GDE1: variants seen among roughly 807,000 people sequenced by gnomAD.
GDE1 encodes RGS16-interacting membrane protein.
In GDE1, 24 loss-of-function variants were observed where a neutral mutation model predicts 32.2. The ratio of observed to expected loss-of-function variants is 0.75; its 90% CI spans 0.54 to 1.05. The LOEUF (loss-of-function observed/expected upper bound fraction) is 1.05, where lower values mean the gene tolerates loss of function less well. Ranked by LOEUF, GDE1 falls within the 50% of genes least tolerant of loss-of-function variation. GDE1 has a pLI of 0.00. For synonymous variants in GDE1, 159 were observed against 158.6 expected, an observed-to-expected ratio of 1.00 and a Z score of -0.02; for missense variants, 380 against 415.0, an observed-to-expected ratio of 0.92 and a Z score of 0.73.
rs1555488425 is a variant in GDE1, at chr16:19,519,473, T to TGC, written c.261+2230_261+2231insGC. Among the ~76,000 whole-genome samples, 764 of 146,144 alleles carry TGC rather than the reference T, an allele frequency of 5.2e-3. 7 individuals carry two copies. Among genetic ancestry groups the TGC allele is most frequent in the African/African-American group, 0.018 (709 of 39,104 alleles). On this transcript the variant is annotated intron_variant, in intron 1 of 5. Coordinates refer to ENST00000353258, the MANE Select transcript of GDE1 (RefSeq NM_016641.4). ...GCATATATATATATATATATATATA[T>TGC]ACATACACAATACTTAATAGATTAC... is the stretch of plus-strand genomic sequence containing the variant.
intron 1 of GDE1, among the ~76,000 whole-genome samples, chr16:19,517,493 C>T (rs1969395969): frequency 6.6e-6 from 1 of 152,214 alleles, no homozygotes; most frequent in Non-Finnish European, 1.5e-5. Flanking sequence ...TATGGGTCAT[C>T]AATGGCTTAT....
chr16:19,506,625 G>A (rs1352514848), intron 4 of GDE1, among the ~76,000 whole-genome samples: 1 of 151,980 alleles, frequency 6.6e-6, no homozygotes, highest in Non-Finnish European at 1.5e-5. Flanking sequence ...GGGCGACAGA[G>A]CAAGACTCCG....
chr16:19,518,035 G>A (rs1597237817), intron 1 of GDE1, among the ~76,000 whole-genome samples: 1 of 151,770 alleles, frequency 6.6e-6, no homozygotes, highest in Non-Finnish European at 1.5e-5. Context: ...CTACTGGCAC[G>A]TGCCACCATG....
intron 5 of GDE1, 149 bp from the exon 6 acceptor site, chr16:19,503,766 T>C: frequency 1.6e-6 from 1 of 637,264 alleles, no homozygotes; most frequent in Admixed American, 2.8e-5. Context: ...AGAGGGACTG[T>C]TCCAAAACCC....
At chr16:19,504,427 C>T (rs1213364569) in intron 5 of GDE1, 1 of 165,594 alleles carries the variant, frequency 6.0e-6, no homozygotes, top group Non-Finnish European at 1.3e-5. Context: ...TATACAGATA[C>T]AGAATTGCCA....
chr16:19,521,372 A>T (rs914140667), intron 1 of GDE1: 4 of 285,082 alleles, frequency 1.4e-5, no homozygotes, highest in African/African-American at 8.6e-5. Flanking sequence ...TCTTAAAGTT[A>T]TCTCATTTAT....
At chr16:19,517,777 C>A (rs1467963674) in intron 1 of GDE1, among the ~76,000 whole-genome samples, 1 of 152,166 alleles carries the variant, frequency 6.6e-6, no homozygotes, top group East Asian at 1.9e-4. Context: ...AGAATTTGAA[C>A]CTTAAATTAC....
In GDE1 at chr16:19,504,968, T is replaced by A; in HGVS notation, c.761A>T (p.Asp254Val). The A allele has an allele frequency of 6.2e-7, 1 of 1,613,250 alleles. No homozygotes were observed. The highest frequency in any genetic ancestry group is 1.3e-5 in the African/African-American group (1 of 75,036). The change falls in exon 5 of 6, where the codon GAC becomes GTC. Residue 254 changes from aspartate (D) to valine (V), a missense_variant. Asp to Val is a radical substitution (Grantham distance 152). Transcript: ENST00000353258. Reference sequence around the variant, plus strand: ...ATGCATGCTCCAATCGAGCAAAATGTCCATCATAACAAATATAAAATGTTT... The same window carrying A: ...ATGCATGCTCCAATCGAGCAAAATGACCATCATAACAAATATAAAATGTTT... Reference protein sequence around the residue: ...FWKHFIFVMMDILLDWSMHNI... With the variant: ...FWKHFIFVMMVILLDWSMHNI...
At chr16:19,508,608 C>G (rs528108341) in intron 3 of GDE1, among the ~76,000 whole-genome samples, 3 of 151,636 alleles carry the variant, frequency 2.0e-5, no homozygotes, top group African/African-American at 7.3e-5. Context: ...TTCGCTAATG[C>G]AACTGAAGGC....
At chr16:19,507,514 GGT>G in intron 4 of GDE1, 171 bp downstream of exon 4, 2 of 571,688 alleles carry the variant, frequency 3.5e-6, no homozygotes, top group South Asian at 4.8e-5. Flanking sequence ...TTCTGTAAGG[GGT>G]ATGAGTACAT....
At chr16:19,506,668 G>T (rs879424695) in intron 4 of GDE1, among the ~76,000 whole-genome samples, 3 of 152,080 alleles carry the variant, frequency 2.0e-5, no homozygotes, top group Admixed American at 6.6e-5. Flanking sequence ...ATTTACGATT[G>T]TAACACGCCG....
Position 19,518,422 on chromosome 16 carries a change from C to G in GDE1, c.262-1233G>C, listed in dbSNP as rs533289338. Among the ~76,000 whole-genome samples, 8 of 152,244 alleles carry G rather than the reference C, an allele frequency of 5.3e-5. No homozygotes were observed. In the South Asian group the frequency reaches 1.7e-3, roughly 32 times the overall value. ...TTATTTGATCCTCACAACCCTGAAG[C>G]AGGTACTATTAATATTCTCATTTAA... On this transcript the variant is annotated intron_variant, in intron 1 of 5. Coordinates refer to ENST00000353258, the MANE Select transcript of GDE1 (RefSeq NM_016641.4).
intron 4 of GDE1, among the ~76,000 whole-genome samples, chr16:19,506,668 G>GT (rs1376229447): frequency 2.0e-5 from 3 of 152,080 alleles, no homozygotes; most frequent in Non-Finnish European, 2.9e-5. Flanking sequence ...ATTTACGATT[G>GT]TAACACGCCG....
chr16:19,511,125 C>T (rs1385852808), intron 2 of GDE1, among the ~76,000 whole-genome samples, 181 bp from the exon 3 acceptor site: 5 of 146,028 alleles, frequency 3.4e-5, no homozygotes, highest in Non-Finnish European at 7.5e-5. Context: ...TTTTTTGAGA[C>T]GGAGTCTTGC....
chr16:19,513,740 A>G (rs1372668282), intron 2 of GDE1, among the ~76,000 whole-genome samples: 2 of 152,256 alleles, frequency 1.3e-5, no homozygotes, highest in Non-Finnish European at 2.9e-5. Context: ...TAAAACTGAA[A>G]GTATCCAGTA....
At chr16:19,506,159 C>T (rs1969243403) in intron 4 of GDE1, among the ~76,000 whole-genome samples, 1 of 147,836 alleles carries the variant, frequency 6.8e-6, no homozygotes, top group Admixed American at 6.8e-5. Flanking sequence ...GGCAAGCTTC[C>T]AGCTCTCGCT....
intron 1 of GDE1, among the ~76,000 whole-genome samples, chr16:19,520,777 AAAG>A (rs974374771): frequency 6.6e-5 from 10 of 151,578 alleles, no homozygotes; most frequent in African/African-American, 2.0e-4. Flanking sequence ...GAAAAATAAA[AAAG>A]AAGAGAATCA....
At chr16:19,515,416 A>AT (rs1476723953) in intron 2 of GDE1, among the ~76,000 whole-genome samples, 2 of 152,128 alleles carry the variant, frequency 1.3e-5, no homozygotes, top group Non-Finnish European at 2.9e-5. Flanking sequence ...TTCTTAAGGG[A>AT]TTTTTTGAAA....
chr16:19,517,371 C>T (rs889193389), intron 1 of GDE1, among the ~76,000 whole-genome samples, 182 bp from the exon 2 acceptor site: 4 of 152,176 alleles, frequency 2.6e-5, no homozygotes, highest in African/African-American at 9.7e-5. Context: ...AACCTTACTT[C>T]AATTCCTAAC....
Sources: gnomAD v4.1 joint callset for allele counts (sites outside exome capture counted in the v4.1 genomes callset) on GRCh38, gnomAD v4.1.1 for gene constraint, MANE v1.5 for transcripts, NCBI Gene and HGNC (gene_info 2026-07-23, HGNC 2026-07-21) for gene names.